The following COL5A1 variants were observed in gnomAD, a reference collection of about 807,000 sequenced individuals.
COL5A1 encodes the protein collagen alpha-1(V) chain.
Under a neutral mutation model 263.7 loss-of-function variants are expected in COL5A1, and 16 were observed. The observed-to-expected ratio is 0.06, with a 90% CI of 0.04 to 0.09. The LOEUF is 0.09. Among genes scored for constraint, COL5A1 ranks in the 10% least tolerant of loss-of-function variants. The pLI, the probability that COL5A1 is intolerant of heterozygous loss-of-function variation, is 1.00. For missense variants in COL5A1, 2,036 were observed against 2,540.5 expected (o/e 0.80, Z 4.27); for synonymous variants, 1,012 against 1,004.5 (o/e 1.01, Z -0.14).
rs925265487 is a variant in COL5A1, at chr9:134,681,922, G to A, written c.110-8990G>A. On this transcript the variant is annotated intron_variant, in intron 1 of 65. Transcript: ENST00000371817. The surrounding 1 kb of genome is among the most constrained non-coding windows in gnomAD (Gnocchi z 4.3). ...CTCCCTCTCTCTTTCTGTCTGTGTA[G>A]CTCTCTCTCTCTCCCTCTCTCTCCC... Among the ~76,000 whole-genome samples the A allele has an allele frequency of 6.6e-6, 1 of 150,488 alleles. No individual in the cohort carries two copies. Among genetic ancestry groups the A allele is most frequent in the African/African-American group, 2.4e-5 (1 of 40,858 alleles).
Position 134,842,247 on chromosome 9 carries a change from G to A in COL5A1, c.5461G>A (p.Gly1821Ser), listed in dbSNP as rs773709219. The A allele has an allele frequency of 9.9e-6, 16 of 1,614,056 alleles. No individual in the cohort carries two copies. Among genetic ancestry groups the A allele is most frequent in the Admixed American group, 1.7e-5 (1 of 60,014 alleles). The change falls in exon 66 of 66, where the codon GGT (glycine) becomes AGT (serine). Residue 1821 changes from glycine (G) to serine (S), a missense_variant. This residue lies in a region of COL5A1 where 358 missense variants were observed against 384.6 expected (regional missense o/e 0.93). Coordinates refer to ENST00000371817, the MANE Select transcript of COL5A1 (RefSeq NM_000093.5). This position sits in a 1 kb window ranked among gnomAD's most constrained non-coding sequence, Gnocchi z 5.8. The stretch of plus-strand genomic sequence containing the variant: ...CGTGGACATCATGTTCAATGACTTC[G>A]GTGAAGCGTCACAGAAATTTGGATT... ...PIVDIMFNDF[G>S]EASQKFGFEV...
chr9:134,805,684 C>T (rs1211736045), intron 41 of COL5A1, among the ~76,000 whole-genome samples: 1 of 152,192 alleles, frequency 6.6e-6, no homozygotes, highest in Non-Finnish European at 1.5e-5. Context: ...TGCCAGCCCC[C>T]AGGCAAGGCA....
intron 27 of COL5A1, among the ~76,000 whole-genome samples, chr9:134,775,408 C>T (rs1310399839): frequency 5.3e-5 from 8 of 152,234 alleles, no homozygotes; most frequent in Admixed American, 3.3e-4. Context: ...CCAGCGCTGT[C>T]GCAAGGCGGA....
At chr9:134,707,906 G>C (rs1269378990) in intron 4 of COL5A1, among the ~76,000 whole-genome samples, 1 of 152,178 alleles carries the variant, frequency 6.6e-6, no homozygotes, top group Non-Finnish European at 1.5e-5. Flanking sequence ...AGGCGGGCGA[G>C]ACTGGGTGCT....
chr9:134,644,718 G>C (rs1334730157), intron 1 of COL5A1, among the ~76,000 whole-genome samples: 2 of 152,190 alleles, frequency 1.3e-5, no homozygotes, highest in Non-Finnish European at 2.9e-5. Context: ...GGAATGAAAA[G>C]TAAGATTGCA....
At chr9:134,717,816 G>A (rs1418799948) in intron 4 of COL5A1, among the ~76,000 whole-genome samples, 3 of 152,236 alleles carry the variant, frequency 2.0e-5, no homozygotes, top group African/African-American at 7.2e-5. Flanking sequence ...CAAGCAGAGT[G>A]CTCAGCTGGG....
At chr9:134,753,777 G>GCCCCCC in intron 14 of COL5A1, 73 bp from the exon 15 acceptor site, 8 of 622,710 alleles carry the variant, frequency 1.3e-5, no homozygotes, top group African/African-American at 2.2e-5. Flanking sequence ...CCCCTCCCCT[G>GCCCCCC]CCACCCCCAG....
At position 134,685,157 on chromosome 9, in the gene COL5A1, C is replaced by T. The variant is rs562515493; in HGVS notation, c.110-5755C>T. Among the ~76,000 whole-genome samples, 11 of 151,898 alleles carry T rather than the reference C, an allele frequency of 7.2e-5. No homozygotes were observed. The South Asian group carries it at 1.9e-3, about 26-fold the overall frequency. ...ATCCATCATCCTCCCATTCATCCAT[C>T]CATCCACCATCCATCCATTCATTCA... is the stretch of plus-strand genomic sequence containing the variant. On this transcript the variant is annotated intron_variant, in intron 1 of 65. Coordinates refer to ENST00000371817, the MANE Select transcript of COL5A1 (RefSeq NM_000093.5).
intron 63 of COL5A1, among the ~76,000 whole-genome samples, chr9:134,826,293 C>T (rs925930935): frequency 2.0e-5 from 3 of 152,194 alleles, no homozygotes; most frequent in African/African-American, 7.2e-5. Flanking sequence ...AGACATCTTC[C>T]GGAAGCTGCC....
At chr9:134,728,573 C>T (rs963054281) in intron 5 of COL5A1, 97 bp from the exon 6 acceptor site, 48 of 1,561,042 alleles carry the variant, frequency 3.1e-5, no homozygotes, top group Middle Eastern at 1.8e-4. Context: ...GACGGGGCGT[C>T]GTGGCGTGCA....
At chr9:134,708,571 G>A (rs1056176981) in intron 4 of COL5A1, 1 of 518,738 alleles carries the variant, frequency 1.9e-6, no homozygotes, top group African/African-American at 1.9e-5. Context: ...CAGGCCACCT[G>A]TGTGGCAGCC....
chr9:134,822,836 A>G, intron 59 of COL5A1, 162 bp from the exon 60 acceptor site: 4 of 842,046 alleles, frequency 4.8e-6, no homozygotes, highest in Non-Finnish European at 7.7e-6. Context: ...CCAGGCCCCG[A>G]CCCTCCTCCC....
In COL5A1 at chr9:134,818,160, C is replaced by G. The variant is rs1333199570; in HGVS notation, c.4230+329C>G. Reference sequence around the variant, plus strand: ...TGCCTGGTCTTTGAGTCGGCCAGACCTGAGCCGCCTACCTCTGAAGTGGAC... The same window carrying G: ...TGCCTGGTCTTTGAGTCGGCCAGACGTGAGCCGCCTACCTCTGAAGTGGAC... On this transcript the variant is annotated intron_variant, in intron 54 of 65. Transcript: ENST00000371817. This position sits in a 1 kb window ranked among gnomAD's most constrained non-coding sequence, Gnocchi z 6.0. Among the ~76,000 whole-genome samples the G allele has an allele frequency of 6.6e-6, 1 of 152,212 alleles. No individual in the cohort carries two copies. The highest frequency in any genetic ancestry group is 1.5e-5 in the Non-Finnish European group (1 of 68,020).
chr9:134,759,496 TAC>T (rs1266938636), intron 18 of COL5A1, among the ~76,000 whole-genome samples: 2 of 82,310 alleles, frequency 2.4e-5, no homozygotes, highest in Admixed American at 1.4e-4. Context: ...CCCACACTCA[TAC>T]ACACATGCAC....
chr9:134,718,622 A>T (rs1834350500), intron 4 of COL5A1, among the ~76,000 whole-genome samples: 1 of 152,244 alleles, frequency 6.6e-6, no homozygotes, highest in East Asian at 1.9e-4. Flanking sequence ...TGTGTGGGTG[A>T]TGGGACAAAG....
chr9:134,707,049 G>A (rs1833859477), intron 4 of COL5A1, among the ~76,000 whole-genome samples: 2 of 152,306 alleles, frequency 1.3e-5, no homozygotes, highest in Admixed American at 6.5e-5. Flanking sequence ...AGTGAGCCAC[G>A]TCAGGGAGGC....
At chr9:134,685,439 C>A (rs1833016609) in intron 1 of COL5A1, among the ~76,000 whole-genome samples, 1 of 20,148 alleles carries the variant, frequency 5.0e-5, no homozygotes. Flanking sequence ...TCCATCCATC[C>A]ATTGTCCATC....
Position 134,700,768 on chromosome 9 carries a change from TGCACACA to T in COL5A1, c.492-399_492-393del, listed in dbSNP as rs1029462624. On this transcript the variant is annotated intron_variant, in intron 3 of 65. Transcript: ENST00000371817. The surrounding 1 kb of genome is among the most constrained non-coding windows in gnomAD (Gnocchi z 4.0). Reference sequence around the variant, plus strand: ...AGAGGGCACGTGACAAGTGCTCGCATGCACACAGCAAAATACAACGGCCGCCGCCCTG... The same window carrying T: ...AGAGGGCACGTGACAAGTGCTCGCATGCAAAATACAACGGCCGCCGCCCTG... Among the ~76,000 whole-genome samples the T allele has an allele frequency of 6.6e-6, 1 of 152,232 alleles. No homozygotes were observed. The highest frequency in any genetic ancestry group is 2.4e-5 in the African/African-American group (1 of 41,456).
At chr9:134,683,386 C>T (rs866329301) in intron 1 of COL5A1, among the ~76,000 whole-genome samples, 3 of 152,268 alleles carry the variant, frequency 2.0e-5, no homozygotes, top group East Asian at 3.9e-4. Flanking sequence ...GGCCAGGGAG[C>T]GGGGAACTGA....
Sources: allele counts gnomAD v4.1 joint callset (sites outside exome capture counted in the v4.1 genomes callset), GRCh38; gene constraint gnomAD v4.1.1; regional missense constraint gnomAD v4.1.1; non-coding constraint Gnocchi (gnomAD v3.1); transcripts MANE v1.5; gene names NCBI Gene and HGNC (gene_info 2026-07-23, HGNC 2026-07-21).